Variants in GULP1 observed in about 807,000 individuals in gnomAD.
GULP1 encodes the protein GULP PTB domain containing engulfment adaptor 1.
GULP1 carries 19 observed loss-of-function variants against 40.9 expected under a neutral mutation model. The observed-to-expected ratio is 0.46, with a 90% CI of 0.32 to 0.68. GULP1 has a LOEUF of 0.68. Among genes scored for constraint, GULP1 ranks in the 30% least tolerant of loss-of-function variants. The probability of loss-of-function intolerance (pLI) is 0.03; values close to 1 mark genes in which losing one functional copy is unlikely to be tolerated. For synonymous variants in GULP1, 119 were observed against 117.6 expected (o/e 1.01, Z -0.08); for missense variants, 312 against 362.2 (o/e 0.86, Z 1.12).
At chr2:188,387,947 G>A (rs1368787444) in intron 2 of GULP1, among the ~76,000 whole-genome samples, 2 of 151,768 alleles carry the variant, frequency 1.3e-5, no homozygotes, top group Non-Finnish European at 2.9e-5. Context: ...AGTTACATAT[G>A]TATACATGTG....
At chr2:188,462,352 A>AT (rs1437257354) in intron 2 of GULP1, among the ~76,000 whole-genome samples, 2 of 152,168 alleles carry the variant, frequency 1.3e-5, no homozygotes, top group Non-Finnish European at 2.9e-5. Flanking sequence ...CATATGGTCT[A>AT]TCCTTAAGAA....
At chr2:188,325,629 G>A (rs1271952623) in intron 1 of GULP1, among the ~76,000 whole-genome samples, 2 of 151,958 alleles carry the variant, frequency 1.3e-5, no homozygotes, top group Admixed American at 1.3e-4. Context: ...TTGTAGACCG[G>A]TAGAGCCAGT....
chr2:188,574,411 T>C (rs1699751565), intron 9 of GULP1, among the ~76,000 whole-genome samples: 1 of 151,850 alleles, frequency 6.6e-6, no homozygotes, highest in South Asian at 2.1e-4. Flanking sequence ...ATAGCTTGAG[T>C]CCAGGAGTTG....
chr2:188,531,016 C>A (rs553485027), intron 6 of GULP1, among the ~76,000 whole-genome samples: 1 of 152,270 alleles, frequency 6.6e-6, no homozygotes, highest in African/African-American at 2.4e-5. Flanking sequence ...CACAGGTCTG[C>A]AACTTTTCTC....
chr2:188,436,373 A>G (rs1393764690), intron 2 of GULP1, among the ~76,000 whole-genome samples: 2 of 152,120 alleles, frequency 1.3e-5, no homozygotes, highest in Non-Finnish European at 2.9e-5. Context: ...TACAATAGTA[A>G]CAAAAGACAC....
intron 2 of GULP1, among the ~76,000 whole-genome samples, chr2:188,453,639 C>A (rs2059016163): frequency 6.6e-6 from 1 of 152,132 alleles, no homozygotes; most frequent in African/African-American, 2.4e-5. Context: ...TTGACATATT[C>A]CAAGATACAG....
At chr2:188,550,957 A>G (rs1455070643) in intron 7 of GULP1, among the ~76,000 whole-genome samples, 6 of 151,504 alleles carry the variant, frequency 4.0e-5, no homozygotes, top group African/African-American at 1.2e-4. Flanking sequence ...ATGAAATACT[A>G]TAATTTACAT....
chr2:188,299,048 G>A (rs1216625808), intron 1 of GULP1, among the ~76,000 whole-genome samples: 1 of 152,166 alleles, frequency 6.6e-6, no homozygotes, highest in Non-Finnish European at 1.5e-5. Context: ...CACAGTCTAA[G>A]ATAATTCCAA....
At chr2:188,407,473 TA>T (rs1302031324) in intron 2 of GULP1, among the ~76,000 whole-genome samples, 1 of 152,210 alleles carries the variant, frequency 6.6e-6, no homozygotes, top group Non-Finnish European at 1.5e-5. Context: ...TTACACAGTG[TA>T]AAAGGATGTA....
intron 2 of GULP1, among the ~76,000 whole-genome samples, chr2:188,391,899 G>A (rs2050575165): frequency 6.6e-6 from 1 of 151,840 alleles, no homozygotes; most frequent in African/African-American, 2.4e-5. Flanking sequence ...CTCTTTAGGT[G>A]ATGTGTGTTG....
In GULP1 at chr2:188,587,877, AC is replaced by A. The variant is rs1370053443; in HGVS notation, c.773del (p.Pro258LeufsTer20). ...EIKRDLFGAE[P>X]FDPFNCGAAD... ...CAGAACGGGACCTGTTTGGAGCAGAACCTTTTGACCCATTTAACTGTGGAGC... is the reference window on the plus strand; with the variant it reads ...CAGAACGGGACCTGTTTGGAGCAGAACTTTTGACCCATTTAACTGTGGAGC... On this transcript the variant is annotated frameshift_variant, in exon 11 of 12. Transcript: ENST00000409830. LOFTEE classifies it high-confidence loss of function. 1 of 1,608,854 alleles carries A rather than the reference AC, an allele frequency of 6.2e-7. No individual in the cohort carries two copies. Among genetic ancestry groups the A allele is most frequent in the Non-Finnish European group, 8.5e-7 (1 of 1,175,532 alleles).
intron 7 of GULP1, chr2:188,541,595 TATA>T: frequency 1.8e-6 from 1 of 546,522 alleles, no homozygotes; most frequent in Non-Finnish European, 3.2e-6. Context: ...GCATGTATTT[TATA>T]ATAATTTAAT....
At chr2:188,346,614 T>C (rs2043694714) in intron 1 of GULP1, among the ~76,000 whole-genome samples, 1 of 151,326 alleles carries the variant, frequency 6.6e-6, no homozygotes, top group Non-Finnish European at 1.5e-5. Context: ...TGCCTCAGCC[T>C]CCCGAGTAAC....
intron 1 of GULP1, among the ~76,000 whole-genome samples, chr2:188,363,681 C>T (rs574142500): frequency 1.3e-5 from 2 of 152,130 alleles, no homozygotes; most frequent in South Asian, 2.1e-4. Flanking sequence ...AATATTAGGT[C>T]GGAGCAATAG....
At chr2:188,557,802 G>T (rs1695177598) in intron 7 of GULP1, among the ~76,000 whole-genome samples, 1 of 152,194 alleles carries the variant, frequency 6.6e-6, no homozygotes, top group Admixed American at 6.5e-5. Context: ...TGTATCTGCA[G>T]GCTTAACACC....
At chr2:188,515,706 GAC>G (rs58687237) in intron 4 of GULP1, among the ~76,000 whole-genome samples, 20,209 of 144,916 alleles carry the variant, frequency 0.14, 1,538 homozygotes, top group African/African-American at 0.22. Context: ...TACACACACA[GAC>G]ACACACACAC....
chr2:188,489,638 A>G (rs2062174972), intron 4 of GULP1, among the ~76,000 whole-genome samples: 1 of 152,020 alleles, frequency 6.6e-6, no homozygotes, highest in African/African-American at 2.4e-5. Context: ...TATAATATGT[A>G]TTGATAATTT....
At chr2:188,419,907 T>A (rs2055141096) in intron 2 of GULP1, among the ~76,000 whole-genome samples, 1 of 152,174 alleles carries the variant, frequency 6.6e-6, no homozygotes, top group African/African-American at 2.4e-5. Context: ...CAATGTCACT[T>A]TTTTTGCATG....
At chr2:188,464,803 G>A (rs945337316) in intron 2 of GULP1, among the ~76,000 whole-genome samples, 1 of 152,168 alleles carries the variant, frequency 6.6e-6, no homozygotes, top group African/African-American at 2.4e-5. Flanking sequence ...TCAGGCCTAT[G>A]GGGAGTACTG....
Sources: allele counts gnomAD v4.1 joint callset (sites outside exome capture counted in the v4.1 genomes callset), GRCh38; gene constraint gnomAD v4.1.1; transcripts MANE v1.5; gene names NCBI Gene and HGNC (gene_info 2026-07-23, HGNC 2026-07-21).